MAF: variants seen among roughly 807,000 people sequenced by gnomAD.
MAF encodes MAF bZIP transcription factor.
MAF carries 10 observed loss-of-function variants against 22.0 expected under a neutral mutation model. The observed-to-expected ratio is 0.45, with a 90% CI of 0.28 to 0.77. The LOEUF (loss-of-function observed/expected upper bound fraction) is 0.77, where lower values mean the gene tolerates loss of function less well. MAF is among the 30% of genes least tolerant of loss of function. MAF has a pLI of 0.12. For missense variants in MAF, 544 were observed against 548.4 expected (o/e 0.99, Z 0.08); for synonymous variants, 337 against 255.8 (o/e 1.32, Z -3.03).
At chr16:79,231,418 C>CGAAAGCT in the MAF span, among the ~76,000 whole-genome samples, 47 of 152,108 alleles carry the variant, frequency 3.1e-4, no homozygotes, top group Non-Finnish European at 5.6e-4. Flanking sequence ...GTCTAAATCA[C>CGAAAGCT]GAAAGCTGAC....
At chr16:79,316,013 G>A in the MAF span, among the ~76,000 whole-genome samples, 3 of 152,208 alleles carry the variant, frequency 2.0e-5, no homozygotes, top group African/African-American at 7.2e-5. Flanking sequence ...TTGCAAGGCA[G>A]ACCAGCTCAT....
At chr16:79,500,561 T>A in the MAF span, among the ~76,000 whole-genome samples, 1 of 152,066 alleles carries the variant, frequency 6.6e-6, no homozygotes, top group Non-Finnish European at 1.5e-5. Flanking sequence ...CACACCACGG[T>A]AGAGATTATG....
At chr16:79,235,448 G>C in the MAF span, among the ~76,000 whole-genome samples, 35 of 152,112 alleles carry the variant, frequency 2.3e-4, no homozygotes, top group South Asian at 7.2e-3. Context: ...TGTAGTCCCA[G>C]CTACACTGGA....
At chr16:79,221,303 TA>T in the MAF span, among the ~76,000 whole-genome samples, 2 of 152,186 alleles carry the variant, frequency 1.3e-5, no homozygotes, top group African/African-American at 4.8e-5. Flanking sequence ...AAACCCACTT[TA>T]GGGAGAGAGG....
chr16:79,332,834 A>T, the MAF span, among the ~76,000 whole-genome samples: 1 of 152,194 alleles, frequency 6.6e-6, no homozygotes, highest in Non-Finnish European at 1.5e-5. Flanking sequence ...AGCCAGCACT[A>T]TTTCTACTAC....
At chr16:79,536,319 G>A in the MAF span, among the ~76,000 whole-genome samples, 16 of 152,188 alleles carry the variant, frequency 1.1e-4, no homozygotes, top group African/African-American at 3.9e-4. Context: ...CCCCACCCAT[G>A]GATCCAACCA....
At chr16:79,581,745 C>A (rs777426911), downstream of MAF, among the ~76,000 whole-genome samples, 2 of 152,212 alleles carry the variant, frequency 1.3e-5, no homozygotes, top group Admixed American at 6.5e-5. Context: ...GCCTTCACCT[C>A]TCTTTTTGGA....
At chr16:79,412,520 C>G in the MAF span, among the ~76,000 whole-genome samples, 1 of 152,284 alleles carries the variant, frequency 6.6e-6, no homozygotes, top group Middle Eastern at 3.4e-3. Flanking sequence ...GGCTGGGTAA[C>G]TGTTGTAGGG....
At chr16:79,279,297 C>A in the MAF span, among the ~76,000 whole-genome samples, 2 of 152,194 alleles carry the variant, frequency 1.3e-5, no homozygotes, top group African/African-American at 2.4e-5. Flanking sequence ...TTGAGCTTCA[C>A]TGTCCTCTTT....
the MAF span, among the ~76,000 whole-genome samples, chr16:79,419,368 T>C: frequency 1.2e-4 from 19 of 152,312 alleles, 1 homozygote; most frequent in Middle Eastern, 3.4e-3. Context: ...TCAGCACAAA[T>C]GGACAGAGAT....
chr16:79,436,029 T>G, the MAF span, among the ~76,000 whole-genome samples: 17 of 152,222 alleles, frequency 1.1e-4, no homozygotes, highest in Non-Finnish European at 2.2e-4. Flanking sequence ...GTGCAAAACC[T>G]ATGACTCAAT....
the MAF span, among the ~76,000 whole-genome samples, chr16:79,485,854 G>A: frequency 2.2e-3 from 340 of 152,252 alleles, no homozygotes; most frequent in Non-Finnish European, 3.2e-3. Flanking sequence ...CTGGCAGAGA[G>A]CATATGAATG....
the MAF span, among the ~76,000 whole-genome samples, chr16:79,456,835 A>T: frequency 1.3e-5 from 2 of 152,136 alleles, no homozygotes; most frequent in South Asian, 2.1e-4. Flanking sequence ...TTAAACCTTG[A>T]ATATGTAACA....
chr16:79,260,665 C>G, the MAF span, among the ~76,000 whole-genome samples: 1 of 152,102 alleles, frequency 6.6e-6, no homozygotes, highest in East Asian at 1.9e-4. Flanking sequence ...CGGCATTGAC[C>G]AGTGAGTGTT....
the MAF span, among the ~76,000 whole-genome samples, chr16:79,513,655 G>A: frequency 2.0e-5 from 3 of 152,132 alleles, no homozygotes; most frequent in African/African-American, 7.2e-5. Flanking sequence ...CTGTCCCTCT[G>A]TTTCCTAATC....
At chr16:79,219,446 G>C in the MAF span, among the ~76,000 whole-genome samples, 1 of 151,212 alleles carries the variant, frequency 6.6e-6, no homozygotes, top group African/African-American at 2.4e-5. Flanking sequence ...AGCTACTCCG[G>C]AGGCTGAGGC....
the MAF span, among the ~76,000 whole-genome samples, chr16:79,450,512 TCCCCCAAC>T: frequency 6.6e-6 from 1 of 152,254 alleles, no homozygotes; most frequent in East Asian, 1.9e-4. Flanking sequence ...AGGAGGCTTT[TCCCCCAAC>T]CCCCTGGCCT....
the MAF span, among the ~76,000 whole-genome samples, chr16:79,573,572 C>A: frequency 7.9e-5 from 12 of 152,136 alleles, no homozygotes; most frequent in Admixed American, 7.9e-4. Flanking sequence ...AGCAAGAATG[C>A]GTTTTATTTG....
At chr16:79,582,277 G>A (rs1006414495), downstream of MAF, among the ~76,000 whole-genome samples, 1 of 152,200 alleles carries the variant, frequency 6.6e-6, no homozygotes, top group Non-Finnish European at 1.5e-5. Flanking sequence ...ATCTGTGAAC[G>A]GCGGCAGTAA....
Sources: allele counts gnomAD v4.1 joint callset (sites outside exome capture counted in the v4.1 genomes callset), GRCh38; gene constraint gnomAD v4.1.1; transcripts MANE v1.5; gene names NCBI Gene and HGNC (gene_info 2026-07-23, HGNC 2026-07-21).